Variants in GATB observed in about 807,000 individuals in gnomAD.
GATB encodes glutamyl-tRNA amidotransferase subunit B.
GATB carries 39 observed loss-of-function variants against 62.3 expected under a neutral mutation model. That is an observed-to-expected ratio of 0.63 (90% CI 0.48 to 0.82). GATB has a LOEUF of 0.82. Among genes scored for constraint, GATB ranks in the 40% least tolerant of loss-of-function variants. The pLI is 0.00. For synonymous variants in GATB, 276 were observed against 258.9 expected, an observed-to-expected ratio of 1.07 and a Z score of -0.63; for missense variants, 670 against 684.0, an observed-to-expected ratio of 0.98 and a Z score of 0.23.
chr4:151,738,351 C>T lies in GATB; in HGVS notation c.328-18813G>A, dbSNP rs573311280. On this transcript the variant is annotated intron_variant, in intron 2 of 12. Coordinates refer to ENST00000263985, the MANE Select transcript of GATB (RefSeq NM_004564.3). Reference sequence around the variant, plus strand: ...GCAGGTCTTTCCTGTGCCATTCTCGCGATAGTGAGTAAGTCTCACGAGATC... The same window carrying T: ...GCAGGTCTTTCCTGTGCCATTCTCGTGATAGTGAGTAAGTCTCACGAGATC... Among the ~76,000 whole-genome samples, 7 of 152,230 alleles carry T rather than the reference C, an allele frequency of 4.6e-5. No individual in the cohort carries two copies. In the South Asian group the frequency reaches 6.2e-4, roughly 14 times the overall value.
intron 11 of GATB, chr4:151,674,252 T>C (rs1033988079): frequency 3.9e-5 from 6 of 152,142 alleles, no homozygotes; most frequent in Non-Finnish European, 5.9e-5. Flanking sequence ...GAGGAAACCA[T>C]TGGGAGAAAG....
In GATB at chr4:151,701,328, C is replaced by A; in HGVS notation, c.1197+1G>T. On this transcript the variant is annotated splice_donor_variant, in intron 9 of 12. Transcript: ENST00000263985. LOFTEE classifies it high-confidence loss of function. ...CCTCTTGGCATCCGATCGATACCTA[C>A]CAGCAAAGTGAAGCTGTGTTCCAGC... 6.5e-7 allele frequency: 1 copy of A among 1,537,020 alleles called. No homozygotes were observed. Among genetic ancestry groups the A allele is most frequent in the South Asian group, 1.3e-5 (1 of 78,010 alleles).
intron 2 of GATB, among the ~76,000 whole-genome samples, chr4:151,751,992 T>C (rs957595286): frequency 2.6e-5 from 4 of 152,200 alleles, no homozygotes; most frequent in Non-Finnish European, 5.9e-5. Flanking sequence ...CCTGGGGTAA[T>C]GAAAGGCAAA....
At chr4:151,687,573 C>T (rs1738275840) in intron 10 of GATB, among the ~76,000 whole-genome samples, 1 of 152,210 alleles carries the variant, frequency 6.6e-6, no homozygotes, top group South Asian at 2.1e-4. Context: ...AGTCTGCTCT[C>T]AGACGCTGAA....
intron 11 of GATB, among the ~76,000 whole-genome samples, chr4:151,678,386 G>C (rs908562927): frequency 1.3e-5 from 2 of 152,160 alleles, no homozygotes; most frequent in African/African-American, 4.8e-5. Flanking sequence ...AGTAGGAAAA[G>C]GGGAAGGTTT....
chr4:151,741,935 G>A (rs925070373), intron 2 of GATB, among the ~76,000 whole-genome samples: 4 of 152,284 alleles, frequency 2.6e-5, no homozygotes, highest in South Asian at 2.1e-4. Context: ...CACATCTAGC[G>A]GGAATTTGGA....
At chr4:151,733,166 A>G (rs1255991133) in intron 2 of GATB, among the ~76,000 whole-genome samples, 1 of 152,198 alleles carries the variant, frequency 6.6e-6, no homozygotes, top group African/African-American at 2.4e-5. Context: ...TACAAAAGAT[A>G]AATGAAACCA....
chr4:151,754,915 C>G (rs1739795294), intron 2 of GATB, among the ~76,000 whole-genome samples: 1 of 152,058 alleles, frequency 6.6e-6, no homozygotes, highest in Non-Finnish European at 1.5e-5. Flanking sequence ...GTTAAGTGAC[C>G]AATTGTTATG....
chr4:151,704,043 A>C (rs898087784), intron 7 of GATB, 148 bp from the exon 8 acceptor site: 16 of 583,794 alleles, frequency 2.7e-5, no homozygotes, highest in African/African-American at 2.6e-4. Context: ...ATACATTCAA[A>C]AAACAATCAT....
rs574457089 is a variant in GATB, at chr4:151,713,072, T to C, written c.763+2937A>G. Among the ~76,000 whole-genome samples the C allele has an allele frequency of 9.2e-5, 14 of 152,172 alleles. 1 individual carries two copies. The South Asian group carries it at 1.9e-3, about 20-fold the overall frequency. ...GATTCTCATAGGAGCACGAACCCTATTGTGAACTGTGCATGAGAGGAATCT... is the reference window on the plus strand; with the variant it reads ...GATTCTCATAGGAGCACGAACCCTACTGTGAACTGTGCATGAGAGGAATCT... On this transcript the variant is annotated intron_variant, in intron 5 of 12. Transcript: ENST00000263985.
At chr4:151,702,069 A>AT (rs1738617869) in intron 8 of GATB, among the ~76,000 whole-genome samples, 2 of 152,228 alleles carry the variant, frequency 1.3e-5, no homozygotes, top group Non-Finnish European at 2.9e-5. Context: ...TAAAAATGCC[A>AT]TATGACAATC....
intron 2 of GATB, among the ~76,000 whole-genome samples, chr4:151,724,694 C>T (rs936817873): frequency 2.6e-5 from 4 of 152,008 alleles, no homozygotes; most frequent in Admixed American, 6.5e-5. Context: ...GCAAGACTTT[C>T]GGATGTCACC....
intron 2 of GATB, among the ~76,000 whole-genome samples, chr4:151,752,415 G>A (rs1439552237): frequency 2.6e-5 from 4 of 151,964 alleles, no homozygotes; most frequent in Admixed American, 6.6e-5. Context: ...ATTTTTTCAC[G>A]AGTCTCTTAT....
chr4:151,752,875 T>C (rs531285202), intron 2 of GATB, among the ~76,000 whole-genome samples: 1 of 152,204 alleles, frequency 6.6e-6, no homozygotes, highest in African/African-American at 2.4e-5. Context: ...AAGTCCTATG[T>C]AAATGCCCAG....
chr4:151,737,044 G>A (rs1395430647), intron 2 of GATB, among the ~76,000 whole-genome samples: 1 of 152,184 alleles, frequency 6.6e-6, no homozygotes, highest in Non-Finnish European at 1.5e-5. Context: ...CAGGAGTGGG[G>A]TGTTACTGAA....
At chr4:151,752,142 A>G (rs977310344) in intron 2 of GATB, among the ~76,000 whole-genome samples, 4 of 152,164 alleles carry the variant, frequency 2.6e-5, no homozygotes, top group South Asian at 2.1e-4. Context: ...TCTTACAGGT[A>G]TAAGTGCTGC....
At chr4:151,702,343 A>G (rs2406972) in intron 8 of GATB, among the ~76,000 whole-genome samples, 20,465 of 152,252 alleles carry the variant, frequency 0.13, 1,559 homozygotes, top group African/African-American at 0.2. Flanking sequence ...AAAATGTGAC[A>G]GCTGGAGAAG....
chr4:151,711,933 T>C (rs930726710), intron 5 of GATB, among the ~76,000 whole-genome samples: 1 of 152,190 alleles, frequency 6.6e-6, no homozygotes, highest in African/African-American at 2.4e-5. Context: ...TAATCTGCAG[T>C]TGGAATCCTC....
chr4:151,753,166 T>C (rs551781956), intron 2 of GATB, among the ~76,000 whole-genome samples: 2 of 152,280 alleles, frequency 1.3e-5, no homozygotes, highest in East Asian at 3.9e-4. Flanking sequence ...CTCTGACTGG[T>C]GGCCTCAGGG....
Sources: gnomAD v4.1 joint callset for allele counts (sites outside exome capture counted in the v4.1 genomes callset) on GRCh38, gnomAD v4.1.1 for gene constraint, MANE v1.5 for transcripts, NCBI Gene and HGNC (gene_info 2026-07-23, HGNC 2026-07-21) for gene names.